The following CHST11 variants were observed in gnomAD, a reference collection of about 807,000 sequenced individuals.
CHST11 encodes the protein carbohydrate sulfotransferase 11, also known as C4S-1.
Under a neutral mutation model 30.4 loss-of-function variants are expected in CHST11, and 9 were observed. The observed-to-expected ratio is 0.30, with a 90% CI of 0.18 to 0.52. The LOEUF (loss-of-function observed/expected upper bound fraction) is 0.52. Ranked by LOEUF, CHST11 falls within the 20% of genes least tolerant of loss-of-function variation. CHST11 has a pLI of 0.97. For missense variants in CHST11, 348 were observed against 460.6 expected (o/e 0.76, Z 2.24); for synonymous variants, 152 against 187.8 (o/e 0.81, Z 1.56).
At chr12:104,547,265 G>T (rs1287155783) in intron 1 of CHST11, among the ~76,000 whole-genome samples, 1 of 152,230 alleles carries the variant, frequency 6.6e-6, no homozygotes, top group Non-Finnish European at 1.5e-5. Flanking sequence ...GGGCCAAGGA[G>T]ATGGTCTGAT....
chr12:104,670,089 C>A (rs2039675804), intron 2 of CHST11, among the ~76,000 whole-genome samples: 1 of 152,224 alleles, frequency 6.6e-6, no homozygotes, highest in Non-Finnish European at 1.5e-5. Context: ...CGGAAGCTTG[C>A]CAAGAGAGTC....
chr12:104,641,528 C>T (rs187983607), intron 2 of CHST11, among the ~76,000 whole-genome samples: 1 of 152,222 alleles, frequency 6.6e-6, no homozygotes, highest in African/African-American at 2.4e-5. Flanking sequence ...TGGAATTTGC[C>T]CCTGCCAGCA....
intron 1 of CHST11, among the ~76,000 whole-genome samples, chr12:104,494,338 C>T (rs140719968): frequency 2.6e-5 from 4 of 152,292 alleles, no homozygotes; most frequent in South Asian, 2.1e-4. Flanking sequence ...GTCTATAGCC[C>T]GTCACTGCCT....
intron 1 of CHST11, among the ~76,000 whole-genome samples, chr12:104,504,527 G>A (rs1057401690): frequency 1.2e-4 from 18 of 152,214 alleles, no homozygotes; most frequent in African/African-American, 3.9e-4. Context: ...TAAGCTGTAA[G>A]TGACACATCT....
At chr12:104,640,480 G>A (rs531274703) in intron 2 of CHST11, among the ~76,000 whole-genome samples, 32 of 152,148 alleles carry the variant, frequency 2.1e-4, no homozygotes, top group Non-Finnish European at 4.4e-4. Context: ...ATCTGAAAAG[G>A]CTACGTTCTG....
chr12:104,525,908 T>C (rs2038121092), intron 1 of CHST11, among the ~76,000 whole-genome samples: 1 of 146,854 alleles, frequency 6.8e-6, no homozygotes, highest in Non-Finnish European at 1.5e-5. Flanking sequence ...AGTTCAAGGA[T>C]TGGTGGGAAA....
intron 2 of CHST11, among the ~76,000 whole-genome samples, chr12:104,703,021 A>G (rs2040002368): frequency 6.6e-6 from 1 of 152,134 alleles, no homozygotes. Flanking sequence ...CACACTCTCT[A>G]GGACTAATCA....
chr12:104,477,673 C>T (rs1382015941), intron 1 of CHST11, among the ~76,000 whole-genome samples: 2 of 152,140 alleles, frequency 1.3e-5, no homozygotes, highest in Non-Finnish European at 2.9e-5. Flanking sequence ...CCTTTCCAGA[C>T]ACCAAATCTG....
intron 2 of CHST11, among the ~76,000 whole-genome samples, chr12:104,618,773 T>C (rs1414037536): frequency 6.6e-6 from 1 of 152,178 alleles, no homozygotes; most frequent in Non-Finnish European, 1.5e-5. Context: ...CGTTTTGTTG[T>C]TGGTGTGCAG....
intron 2 of CHST11, among the ~76,000 whole-genome samples, chr12:104,738,778 C>T (rs1327818999): frequency 6.6e-6 from 1 of 152,274 alleles, no homozygotes; most frequent in African/African-American, 2.4e-5. Context: ...CTAAATTACA[C>T]TCCAGCTGCC....
intron 1 of CHST11, among the ~76,000 whole-genome samples, chr12:104,557,725 GGGAA>G (rs2038471336): frequency 6.6e-6 from 1 of 152,130 alleles, no homozygotes; most frequent in South Asian, 2.1e-4. Context: ...CATGGTGGGA[GGGAA>G]GGAAGTGGGA....
chr12:104,610,397 A>G (rs563111434), intron 2 of CHST11, among the ~76,000 whole-genome samples: 13 of 152,318 alleles, frequency 8.5e-5, no homozygotes, highest in African/African-American at 1.9e-4. Flanking sequence ...TCTGGATAGT[A>G]AGCTCAATGC....
chr12:104,479,188 G>C (rs1373511977), intron 1 of CHST11, among the ~76,000 whole-genome samples: 1 of 150,846 alleles, frequency 6.6e-6, no homozygotes, highest in Non-Finnish European at 1.5e-5. Flanking sequence ...CTTTTTTTTG[G>C]CTCAGGGAAC....
intron 2 of CHST11, among the ~76,000 whole-genome samples, chr12:104,630,448 G>T (rs539746947): frequency 6.6e-6 from 1 of 152,348 alleles, no homozygotes; most frequent in South Asian, 2.1e-4. Context: ...CAACCATAAA[G>T]ATGAGGATAA....
intron 2 of CHST11, among the ~76,000 whole-genome samples, chr12:104,692,684 A>G (rs886951149): frequency 1.3e-5 from 2 of 152,192 alleles, no homozygotes; most frequent in Admixed American, 6.5e-5. Flanking sequence ...GCGAGCAAGC[A>G]TTACTGCCTG....
At chr12:104,643,945 T>G (rs2039401944) in intron 2 of CHST11, among the ~76,000 whole-genome samples, 2 of 152,314 alleles carry the variant, frequency 1.3e-5, no homozygotes, top group South Asian at 4.1e-4. Context: ...ATTTGAATTT[T>G]CTTATTTCCT....
chr12:104,703,952 G>A (rs1441759550), intron 2 of CHST11, among the ~76,000 whole-genome samples: 1 of 152,220 alleles, frequency 6.6e-6, no homozygotes, highest in Non-Finnish European at 1.5e-5. Flanking sequence ...TTCAATAGCT[G>A]GTAGTTACGA....
intron 1 of CHST11, among the ~76,000 whole-genome samples, chr12:104,565,257 G>GGTTTT (rs2038550855): frequency 7.9e-6 from 1 of 126,990 alleles, no homozygotes; most frequent in African/African-American, 3.2e-5. Flanking sequence ...TGTTTTCTAG[G>GGTTTT]ATTTTTTTTT....
chr12:104,574,310 T>C (rs2038660507), intron 1 of CHST11, among the ~76,000 whole-genome samples: 1 of 152,216 alleles, frequency 6.6e-6, no homozygotes, highest in East Asian at 1.9e-4. Context: ...TGGCGATTCC[T>C]CAGGGATCTA....
Sources: allele counts gnomAD v4.1 joint callset (sites outside exome capture counted in the v4.1 genomes callset), GRCh38; gene constraint gnomAD v4.1.1; transcripts MANE v1.5; gene names NCBI Gene and HGNC (gene_info 2026-07-23, HGNC 2026-07-21).